Variants in AKAP13 observed in about 807,000 individuals in gnomAD.
AKAP13 encodes the protein A-kinase anchoring protein 13.
AKAP13 carries 80 observed loss-of-function variants against 264.5 expected under a neutral mutation model. The observed-to-expected ratio is 0.30, with a 90% CI of 0.25 to 0.36. The LOEUF (loss-of-function observed/expected upper bound fraction) is 0.36, where lower values mean the gene tolerates loss of function less well. Among genes scored for constraint, AKAP13 ranks in the 10% least tolerant of loss-of-function variants. The probability of loss-of-function intolerance (pLI) is 1.00; values close to 1 mark genes in which losing one functional copy is unlikely to be tolerated. For missense variants in AKAP13, 3,712 were observed against 3,435.2 expected, an observed-to-expected ratio of 1.08 and a Z score of -2.01; for synonymous variants, 1,380 against 1,250.2, an observed-to-expected ratio of 1.10 and a Z score of -2.19.
In AKAP13 at chr15:85,415,193, C is replaced by A. The variant is rs1030181962; in HGVS notation, c.-12+34395C>A. 3.7e-6 allele frequency: 5 copies of A among 1,350,564 alleles called. No homozygotes were observed. The Admixed American group carries it at 5.9e-5, about 16-fold the overall frequency. 83.7% of individuals were successfully genotyped at this position (1,350,564 alleles called of 1,614,324 possible). On this transcript the variant is annotated intron_variant, in intron 1 of 36. Coordinates refer to ENST00000394518, the MANE Select transcript of AKAP13 (RefSeq NM_007200.5). ...CAGCACGCTGCCACGCCGACGCAGA[C>A]CCCGCTCTGCACGCCAGCTCGCCCG...
chr15:85,401,476 T>A (rs552518157), intron 1 of AKAP13, among the ~76,000 whole-genome samples: 3 of 152,316 alleles, frequency 2.0e-5, no homozygotes, highest in Admixed American at 1.3e-4. Context: ...TGATTTGTTT[T>A]CTCTGTTACA....
chr15:85,581,460 G>C lies in AKAP13; in HGVS notation c.3392G>C (p.Gly1131Ala). Residue 1131 changes from glycine (G) to alanine (A), a missense_variant, in exon 7 of 37, where the codon GGT (glycine) becomes GCT (alanine). Coordinates refer to ENST00000394518, the MANE Select transcript of AKAP13 (RefSeq NM_007200.5). ...LLSQEKNAVLGLPVALQDKAV... is the reference protein window; with the variant it reads ...LLSQEKNAVLALPVALQDKAV... The stretch of plus-strand genomic sequence containing the variant: ...AGCCAAGAGAAGAATGCCGTTCTAG[G>C]TTTGCCAGTGGCTCTACAGGACAAA... The C allele has an allele frequency of 4.3e-6, 7 of 1,614,176 alleles. No individual in the cohort carries two copies. Among genetic ancestry groups the C allele is most frequent in the Non-Finnish European group, 5.9e-6 (7 of 1,180,026 alleles).
At chr15:85,707,741 G>T (rs774517912) in intron 17 of AKAP13, among the ~76,000 whole-genome samples, 16 of 151,614 alleles carry the variant, frequency 1.1e-4, no homozygotes, top group African/African-American at 3.6e-4. Context: ...CACTTGAGTC[G>T]TTGTTCCTCT....
chr15:85,443,118 A>G (rs2073768663), intron 1 of AKAP13, among the ~76,000 whole-genome samples: 1 of 152,092 alleles, frequency 6.6e-6, no homozygotes, highest in Non-Finnish European at 1.5e-5. Context: ...GGTTTAAGAA[A>G]GATAGTTCTC....
At chr15:85,434,656 C>T (rs1033619203) in intron 1 of AKAP13, among the ~76,000 whole-genome samples, 3 of 152,054 alleles carry the variant, frequency 2.0e-5, no homozygotes, top group Non-Finnish European at 4.4e-5. Context: ...CAAGTGGGTC[C>T]CTGACCCCTG....
intron 27 of AKAP13, chr15:85,726,859 G>A (rs1050359479): frequency 1.7e-6 from 1 of 604,412 alleles, no homozygotes; most frequent in African/African-American, 1.9e-5. Context: ...AACCTTTAGA[G>A]CCATAAATTA....
At position 85,694,014 on chromosome 15, in the gene AKAP13, A is replaced by C. The variant is rs184476524; in HGVS notation, c.5464+563A>C. ...ATGTAGCCTCATTGAAAGGATGAGG[A>C]GCATCTGCACTCTGTTCTATGATCT... On this transcript the variant is annotated intron_variant, in intron 17 of 36. Transcript: ENST00000394518. 3.1e-3 allele frequency among the ~76,000 whole-genome samples: 465 copies of C among 152,328 alleles called. 13 individuals are homozygous for C. Among genetic ancestry groups the C allele is most frequent in the Admixed American group, 0.026 (395 of 15,292 alleles).
intron 9 of AKAP13, among the ~76,000 whole-genome samples, chr15:85,640,599 C>T (rs1049578405): frequency 6.6e-6 from 1 of 152,080 alleles, no homozygotes; most frequent in Non-Finnish European, 1.5e-5. Context: ...TGTTCAGGGT[C>T]CAAGTTTTAC....
intron 16 of AKAP13, among the ~76,000 whole-genome samples, chr15:85,687,583 A>G (rs866373199): frequency 3.9e-5 from 6 of 152,196 alleles, no homozygotes; most frequent in Non-Finnish European, 5.9e-5. Flanking sequence ...AACTCAAAAA[A>G]TTACAAATTT....
chr15:85,722,402 C>T (rs1002975185), intron 25 of AKAP13, 55 bp downstream of exon 25: 1 of 1,419,576 alleles, frequency 7.0e-7, no homozygotes, highest in Admixed American at 2.1e-5. Context: ...TCCTCTGTGG[C>T]CAGTAGTACT....
chr15:85,510,973 A>G (rs938275875), intron 2 of AKAP13, among the ~76,000 whole-genome samples: 3 of 152,182 alleles, frequency 2.0e-5, no homozygotes, highest in Admixed American at 2.0e-4. Flanking sequence ...TCTTGGGTCC[A>G]TAGGGCCATT....
intron 16 of AKAP13, among the ~76,000 whole-genome samples, chr15:85,690,526 T>A (rs1029494910): frequency 6.6e-6 from 1 of 152,256 alleles, no homozygotes; most frequent in Non-Finnish European, 1.5e-5. Flanking sequence ...AAGGAGTTTT[T>A]CTCCCTTCCT....
intron 2 of AKAP13, among the ~76,000 whole-genome samples, chr15:85,505,591 G>A (rs2076195332): frequency 6.6e-6 from 1 of 152,068 alleles, no homozygotes; most frequent in African/African-American, 2.4e-5. Context: ...TTTTCTAACA[G>A]TGAAGTCAAC....
intron 2 of AKAP13, among the ~76,000 whole-genome samples, chr15:85,521,036 G>T (rs1387928725): frequency 6.6e-6 from 1 of 152,198 alleles, no homozygotes; most frequent in East Asian, 1.9e-4. Flanking sequence ...CTGAGTATAA[G>T]GATGTGATCA....
chr15:85,447,937 G>A (rs1051345400), intron 1 of AKAP13, among the ~76,000 whole-genome samples: 12 of 152,122 alleles, frequency 7.9e-5, no homozygotes, highest in Admixed American at 4.6e-4. Context: ...GCTCTTTGAG[G>A]AATCGCTATA....
intron 2 of AKAP13, among the ~76,000 whole-genome samples, chr15:85,494,310 T>G (rs1484371238): frequency 1.3e-5 from 2 of 152,146 alleles, no homozygotes; most frequent in African/African-American, 4.8e-5. Context: ...AACAAGAGTT[T>G]TAGACTTCTG....
At position 85,635,472 on chromosome 15, in the gene AKAP13, G is replaced by A. The variant is rs558381620; in HGVS notation, c.4162-3902G>A. Among the ~76,000 whole-genome samples, 3 of 152,138 alleles carry A rather than the reference G, an allele frequency of 2.0e-5. No individual in the cohort carries two copies. The South Asian group carries it at 6.2e-4, about 32-fold the overall frequency. On this transcript the variant is annotated intron_variant, in intron 8 of 36. Transcript: ENST00000394518. Reference sequence around the variant, plus strand: ...TAAATATTCCGGGTAGGAGTTCTTAGCAGATAATTGTTTTATAAATATTTT... The same window carrying A: ...TAAATATTCCGGGTAGGAGTTCTTAACAGATAATTGTTTTATAAATATTTT...
intron 1 of AKAP13, among the ~76,000 whole-genome samples, chr15:85,473,496 TCCACATAAGTTAAATAGGCC>T (rs546261597): frequency 6.6e-6 from 1 of 152,342 alleles, no homozygotes; most frequent in African/African-American, 2.4e-5. Flanking sequence ...TTTCTGATTC[TCCACATAAGTTAAATAGGCC>T]CCACAGGAGG....
At chr15:85,443,754 T>A (rs865895230) in intron 1 of AKAP13, among the ~76,000 whole-genome samples, 33 of 133,324 alleles carry the variant, frequency 2.5e-4, no homozygotes, top group Admixed American at 2.0e-3. Flanking sequence ...AAGCACTGGT[T>A]TCATGTAAAA....
Sources: allele counts gnomAD v4.1 joint callset (sites outside exome capture counted in the v4.1 genomes callset), GRCh38; gene constraint gnomAD v4.1.1; transcripts MANE v1.5; gene names NCBI Gene and HGNC (gene_info 2026-07-23, HGNC 2026-07-21).